Variants in METTL2B observed in about 807,000 individuals in gnomAD.
METTL2B encodes the protein methyltransferase 2B, tRNA N3-cytidine.
METTL2B carries 28 observed loss-of-function variants against 51.0 expected under a neutral mutation model. That is an observed-to-expected ratio of 0.55 (90% CI 0.41 to 0.75). The LOEUF (loss-of-function observed/expected upper bound fraction) is 0.75. Among genes scored for constraint, METTL2B ranks in the 30% least tolerant of loss-of-function variants. METTL2B has a pLI of 0.00. For missense variants in METTL2B, 313 were observed against 460.7 expected (o/e 0.68, Z 2.93); for synonymous variants, 128 against 166.3 (o/e 0.77, Z 1.77).
At chr7:128,491,858 A>G (rs1792840096) in intron 5 of METTL2B, among the ~76,000 whole-genome samples, 2 of 152,062 alleles carry the variant, frequency 1.3e-5, no homozygotes, top group African/African-American at 4.8e-5. Flanking sequence ...TTATTCATGC[A>G]GTTAAAGACC....
intron 7 of METTL2B, among the ~76,000 whole-genome samples, chr7:128,499,110 G>A (rs1273942305): frequency 6.6e-6 from 1 of 152,094 alleles, no homozygotes; most frequent in African/African-American, 2.4e-5. Context: ...AATATTTTCA[G>A]TGCATATAAT....
Position 128,501,335 on chromosome 7 carries a change from G to A in METTL2B, c.982+367G>A, listed in dbSNP as rs532164269. The A allele has an allele frequency of 2.1e-4, 209 of 985,426 alleles. 1 individual carries two copies. Among genetic ancestry groups the A allele is most frequent in the South Asian group, 1.9e-4 (4 of 21,288 alleles). 61.0% of individuals were successfully genotyped at this position (985,426 alleles called of 1,614,324 possible). A position where few individuals can be genotyped will look rare whatever the true frequency, so the allele number is the denominator to read the frequency against. On this transcript the variant is annotated intron_variant, in intron 8 of 8. Coordinates refer to ENST00000262432, the MANE Select transcript of METTL2B (RefSeq NM_018396.3). ...GTGAACCCTGGGTTCTAGGGGTGCC[G>A]GGAACTGCTCTCCTCTGCAACTGGC...
chr7:128,477,426 G>A (rs1357644304), intron 2 of METTL2B, among the ~76,000 whole-genome samples: 1 of 152,144 alleles, frequency 6.6e-6, no homozygotes, highest in Non-Finnish European at 1.5e-5. Context: ...CTTTAATTAT[G>A]TTGAGTAGAT....
intron 7 of METTL2B, 130 bp downstream of exon 7, chr7:128,498,272 C>A (rs1792961629): frequency 9.4e-7 from 1 of 1,063,082 alleles, no homozygotes; most frequent in Non-Finnish European, 1.3e-6. Flanking sequence ...TTTTCTCACT[C>A]ATAAGTGGGA....
intron 7 of METTL2B, 22 bp downstream of exon 7, chr7:128,498,164 C>A (rs780441622): frequency 2.6e-5 from 42 of 1,610,650 alleles, no homozygotes; most frequent in Non-Finnish European, 3.4e-5. Context: ...GTGCTGAATC[C>A]TAACCACTAG....
chr7:128,504,369 T>TTTTTTA lies in METTL2B; in HGVS notation c.*2453_*2454insTTTTTA, dbSNP rs1793082214. ...CCCTGACTTTTTTTTTTTTTTTTTT[T>TTTTTTA]GAGATGGAGTTTCGCTCTTGTTGCC... On this transcript the variant is annotated 3_prime_UTR_variant, in exon 9 of 9. Coordinates refer to ENST00000262432, the MANE Select transcript of METTL2B (RefSeq NM_018396.3). 8.8e-5 allele frequency: 12 copies of TTTTTTA among 136,354 alleles called. No homozygotes were observed. Among genetic ancestry groups the TTTTTTA allele is most frequent in the South Asian group, 2.4e-4 (1 of 4,128 alleles). 8.4% of individuals were successfully genotyped at this position (136,354 alleles called of 1,614,324 possible). A position where few individuals can be genotyped will look rare whatever the true frequency, so the allele number is the denominator to read the frequency against.
chr7:128,499,948 A>G (rs1012444068), intron 7 of METTL2B, among the ~76,000 whole-genome samples: 1 of 152,174 alleles, frequency 6.6e-6, no homozygotes, highest in Non-Finnish European at 1.5e-5. Flanking sequence ...GGATAGGGAG[A>G]TGTCGTGCTT....
At chr7:128,485,784 T>C (rs879352873) in intron 4 of METTL2B, among the ~76,000 whole-genome samples, 5 of 152,122 alleles carry the variant, frequency 3.3e-5, no homozygotes, top group Admixed American at 6.5e-5. Context: ...ACCACTGTAC[T>C]CCAGGTGACA....
At position 128,476,774 on chromosome 7, in the gene METTL2B, C is replaced by A. The variant is rs1563025447; in HGVS notation, c.9C>A (p.Gly3=). The change falls in exon 1 of 9, where the codon GGC becomes GGA. Residue 3 remains glycine, a synonymous_variant. Transcript: ENST00000262432. MA[G]SYPEGAPAIL... Reference sequence around the variant, plus strand: ...TTTCCGGCTCCGGTGTCATGGCCGGCTCCTACCCTGAAGGTGCACCTGCAA... The same window carrying A: ...TTTCCGGCTCCGGTGTCATGGCCGGATCCTACCCTGAAGGTGCACCTGCAA... 3.7e-6 allele frequency: 6 copies of A among 1,614,098 alleles called. No individual in the cohort carries two copies. The African/African-American group carries it at 4.0e-5, about 11-fold the overall frequency.
intron 4 of METTL2B, among the ~76,000 whole-genome samples, chr7:128,486,603 AC>A (rs1344150017): frequency 6.6e-6 from 1 of 151,750 alleles, no homozygotes; most frequent in African/African-American, 2.4e-5. Flanking sequence ...CTCGTGTCTC[AC>A]AAAAAAAAAA....
At chr7:128,500,776 C>A in intron 7 of METTL2B, 127 bp from the exon 8 acceptor site, 1 of 1,017,058 alleles carries the variant, frequency 9.8e-7, no homozygotes, top group Non-Finnish European at 1.5e-6. Flanking sequence ...TTGAGCTGCT[C>A]TTCCCGAAGC....
Position 128,503,542 on chromosome 7 carries a change from G to C in METTL2B, c.*1626G>C, listed in dbSNP as rs7795494. 0.39 allele frequency: 58,903 copies of C among 151,214 alleles called. 11,511 individuals carry two copies. Among genetic ancestry groups the C allele is most frequent in the Middle Eastern group, 0.42 (123 of 294 alleles). The allele number at this position is 151,214 out of a possible 1,614,324, so 9.4% of individuals were successfully genotyped here. The stretch of plus-strand genomic sequence containing the variant: ...CCTCGAACTTCTGGCTTGAGCCATC[G>C]CTCCACCTCAGCCTCCTGAGTAGCT... On this transcript the variant is annotated 3_prime_UTR_variant, in exon 9 of 9. Transcript: ENST00000262432.
In METTL2B at chr7:128,477,025, T is replaced by G; in HGVS notation, c.111-57T>G. The G allele has an allele frequency of 1.9e-6, 3 of 1,578,782 alleles. No individual in the cohort carries two copies. The South Asian group carries it at 3.6e-5, about 19-fold the overall frequency. ...GGAGAGAAACTCCTAGGCCAGCGAC[T>G]CACCCTGCTCGCAGCCAGGACGTGA... On this transcript the variant is annotated intron_variant, in intron 1 of 8. Coordinates refer to ENST00000262432, the MANE Select transcript of METTL2B (RefSeq NM_018396.3).
chr7:128,489,527 G>C (rs1792785472), intron 5 of METTL2B, among the ~76,000 whole-genome samples: 1 of 151,982 alleles, frequency 6.6e-6, no homozygotes. Flanking sequence ...ATCTTTGCTA[G>C]TGGAGGGTCT....
rs1799807482 is a variant in METTL2B, at chr7:128,476,930, C to T, written c.110+55C>T. The T allele has an allele frequency of 1.9e-6, 3 of 1,606,168 alleles. No individual in the cohort carries two copies. The Admixed American group carries it at 5.1e-5, about 28-fold the overall frequency. On this transcript the variant is annotated intron_variant, in intron 1 of 8. Coordinates refer to ENST00000262432, the MANE Select transcript of METTL2B (RefSeq NM_018396.3). ...TCGCTGGCCGTCTGTCCCGCCGCCT[C>T]GGAGCATTCCGAAAAGCCCCTGACC...
At chr7:128,498,547 A>G (rs967466778) in intron 7 of METTL2B, among the ~76,000 whole-genome samples, 15 of 152,278 alleles carry the variant, frequency 9.9e-5, no homozygotes, top group Non-Finnish European at 1.9e-4. Flanking sequence ...TGCTGCCATC[A>G]GAATAGAAAC....
At chr7:128,480,134 T>C (rs1489687389) in intron 3 of METTL2B, among the ~76,000 whole-genome samples, 1 of 152,218 alleles carries the variant, frequency 6.6e-6, no homozygotes, top group Non-Finnish European at 1.5e-5. Context: ...GCAGTGAGAC[T>C]GCTGCCTCTG....
chr7:128,483,731 A>ATTGG (rs1792620473), intron 4 of METTL2B, among the ~76,000 whole-genome samples: 1 of 150,388 alleles, frequency 6.6e-6, no homozygotes, highest in Non-Finnish European at 1.5e-5. Flanking sequence ...TGATTGATTG[A>ATTGG]TTGGTTGATT....
At chr7:128,480,944 A>G (rs1398239648) in intron 4 of METTL2B, among the ~76,000 whole-genome samples, 1 of 152,250 alleles carries the variant, frequency 6.6e-6, no homozygotes, top group Non-Finnish European at 1.5e-5. Flanking sequence ...AGATTTCTAC[A>G]TTGTTCATTT....
Sources: gnomAD v4.1 joint callset for allele counts (sites outside exome capture counted in the v4.1 genomes callset) on GRCh38, gnomAD v4.1.1 for gene constraint, MANE v1.5 for transcripts, NCBI Gene and HGNC (gene_info 2026-07-23, HGNC 2026-07-21) for gene names.